SLC45A4: variants seen among roughly 807,000 people sequenced by gnomAD.
SLC45A4 encodes solute carrier family 45 member 4.
Under a neutral mutation model 63.7 loss-of-function variants are expected in SLC45A4, and 32 were observed. The observed-to-expected ratio is 0.50, with a 90% CI of 0.38 to 0.67. SLC45A4 has a LOEUF of 0.67. Among genes scored for constraint, SLC45A4 ranks in the 30% least tolerant of loss-of-function variants. The pLI, the probability that SLC45A4 is intolerant of heterozygous loss-of-function variation, is 0.00. For missense variants in SLC45A4, 1,027 were observed against 1,157.7 expected, an observed-to-expected ratio of 0.89 and a Z score of 1.64; for synonymous variants, 535 against 510.0, an observed-to-expected ratio of 1.05 and a Z score of -0.66.
At chr8:141,285,493 C>G (rs914795903) in intron 1 of SLC45A4, among the ~76,000 whole-genome samples, 1 of 152,228 alleles carries the variant, frequency 6.6e-6, no homozygotes, top group Non-Finnish European at 1.5e-5. Flanking sequence ...TGCGGAAGGA[C>G]CCCACTTCAG....
chr8:141,211,483 A>C lies in SLC45A4; in HGVS notation c.*89T>G. The stretch of plus-strand genomic sequence containing the variant: ...AGGCCCCCCGGACCAGCCTCCTCCC[A>C]GCTTTGGTGTGCGGTCGCTGCCCAA... On this transcript the variant is annotated 3_prime_UTR_variant, in exon 9 of 9. Coordinates refer to ENST00000517878, the MANE Select transcript of SLC45A4 (RefSeq NM_001286646.2). 6.2e-7 allele frequency: 1 copy of C among 1,604,890 alleles called. No homozygotes were observed. The highest frequency in any genetic ancestry group is 8.5e-7 in the Non-Finnish European group (1 of 1,175,616).
At chr8:141,224,017 A>G (rs1204985468) in intron 2 of SLC45A4, among the ~76,000 whole-genome samples, 1 of 125,950 alleles carries the variant, frequency 7.9e-6, no homozygotes, top group African/African-American at 2.9e-5. Flanking sequence ...TTTTTTTTTT[A>G]GCATTTCTAA....
chr8:141,236,895 T>C (rs923537079), intron 2 of SLC45A4, among the ~76,000 whole-genome samples: 5 of 152,104 alleles, frequency 3.3e-5, no homozygotes, highest in African/African-American at 9.7e-5. Flanking sequence ...CACTAACACA[T>C]GGCCCACAGA....
Position 141,211,052 on chromosome 8 carries a change from A to C in SLC45A4, c.*520T>G. 5.9e-6 allele frequency: 1 copy of C among 168,972 alleles called. No homozygotes were observed. 10.5% of individuals were successfully genotyped at this position (168,972 alleles called of 1,614,324 possible). ...CGTCGAGCAGGTGAGCAGGCGAGGAAGGCATGGAGTTCCGACAGGTTCCAG... is the reference window on the plus strand; with the variant it reads ...CGTCGAGCAGGTGAGCAGGCGAGGACGGCATGGAGTTCCGACAGGTTCCAG... On this transcript the variant is annotated 3_prime_UTR_variant, in exon 9 of 9. Transcript: ENST00000517878.
chr8:141,237,489 G>A (rs564798142), intron 2 of SLC45A4, among the ~76,000 whole-genome samples: 5 of 152,288 alleles, frequency 3.3e-5, no homozygotes, highest in Non-Finnish European at 5.9e-5. Flanking sequence ...TCTGCATTGC[G>A]CTGGGTGTCC....
rs752597584 is a variant in SLC45A4, at chr8:141,218,459, G to A, written c.1181C>T (p.Ala394Val). The change falls in exon 5 of 9, where the codon GCC becomes GTC. Residue 394 changes from alanine (A) to valine (V), a missense_variant. By Grantham distance (64) the Ala-to-Val change is moderately conservative. Transcript: ENST00000517878. ...GTCCACCCTGGTGTAGCCGCCGAGG[G>A]CGTCTTTTGTGGGGGAGCCACTTCC... ...PNGSGSPTKD[A>V]LGGYTRVDTK... 5.8e-5 allele frequency: 94 copies of A among 1,612,866 alleles called. No individual in the cohort carries two copies. The highest frequency in any genetic ancestry group is 2.2e-4 in the Admixed American group (13 of 60,012).
chr8:141,232,548 G>A (rs1364663854), intron 2 of SLC45A4, among the ~76,000 whole-genome samples: 1 of 152,126 alleles, frequency 6.6e-6, no homozygotes, highest in African/African-American at 2.4e-5. Flanking sequence ...CTCAGGAGCT[G>A]CAACGTGAAC....
At chr8:141,259,766 C>T (rs895132611) in intron 1 of SLC45A4, among the ~76,000 whole-genome samples, 6 of 152,204 alleles carry the variant, frequency 3.9e-5, no homozygotes, top group South Asian at 2.1e-4. Flanking sequence ...CTCCCAGCAT[C>T]GGTCCACAAT....
intron 2 of SLC45A4, among the ~76,000 whole-genome samples, chr8:141,236,289 C>T (rs1827623655): frequency 6.6e-6 from 1 of 152,198 alleles, no homozygotes; most frequent in Non-Finnish European, 1.5e-5. Context: ...GATCTTCCCT[C>T]TCGCCCAGCC....
At chr8:141,245,323 G>A (rs540167780) in intron 2 of SLC45A4, among the ~76,000 whole-genome samples, 6 of 152,174 alleles carry the variant, frequency 3.9e-5, no homozygotes, top group East Asian at 3.9e-4. Flanking sequence ...CACCACCACC[G>A]TTTCGAGGAG....
intron 2 of SLC45A4, chr8:141,230,191 G>C: frequency 2.2e-6 from 1 of 452,098 alleles, no homozygotes; most frequent in South Asian, 1.6e-5. Flanking sequence ...AGAAGCACAG[G>C]CCTCTGTTTC....
intron 7 of SLC45A4, 145 bp from the exon 8 acceptor site, chr8:141,212,701 C>A: frequency 1.1e-6 from 1 of 947,632 alleles, no homozygotes; most frequent in Non-Finnish European, 1.5e-6. Context: ...GCCTGAGCAC[C>A]CTCAATCCCC....
intron 6 of SLC45A4, 131 bp from the exon 7 acceptor site, chr8:141,216,101 TC>T: frequency 2.5e-6 from 2 of 814,574 alleles, no homozygotes; most frequent in Non-Finnish European, 3.9e-6. Flanking sequence ...CCAGACCTGG[TC>T]AGGCAGGCAC....
At chr8:141,212,161 C>T (rs777901117) in intron 8 of SLC45A4, 36 bp downstream of exon 8, 32 of 1,191,732 alleles carry the variant, frequency 2.7e-5, no homozygotes, top group African/African-American at 4.8e-5. Context: ...CCCACCCGCC[C>T]ACTGGAATGT....
At chr8:141,262,064 A>G (rs1829060214) in intron 1 of SLC45A4, among the ~76,000 whole-genome samples, 1 of 152,196 alleles carries the variant, frequency 6.6e-6, no homozygotes, top group Non-Finnish European at 1.5e-5. Flanking sequence ...ACAATGCCAC[A>G]TATCTACAAC....
intron 2 of SLC45A4, among the ~76,000 whole-genome samples, chr8:141,239,462 C>T (rs1182075749): frequency 4.3e-4 from 65 of 152,122 alleles, no homozygotes; most frequent in Non-Finnish European, 1.5e-5. Context: ...GCTCAGCTTC[C>T]GAGTTTCACA....
chr8:141,238,089 G>A (rs757476292), intron 2 of SLC45A4, among the ~76,000 whole-genome samples: 9 of 152,176 alleles, frequency 5.9e-5, no homozygotes, highest in South Asian at 4.1e-4. Context: ...TCTAGTGTGC[G>A]GTTAGCTGGC....
At position 141,262,411 on chromosome 8, in the gene SLC45A4, A is replaced by G. The variant is rs560169154; in HGVS notation, c.-400-7782T>C. Among the ~76,000 whole-genome samples the G allele has an allele frequency of 4.1e-3, 608 of 149,118 alleles. 1 individual carries two copies. Among genetic ancestry groups the G allele is most frequent in the African/African-American group, 9.6e-3 (391 of 40,666 alleles). ...GAGCTTCTGCACAGCAAAAGAAACT[A>G]CCATCAGAGTGAACAGGCAACCTAC... On this transcript the variant is annotated intron_variant, in intron 1 of 8. Coordinates refer to ENST00000517878, the MANE Select transcript of SLC45A4 (RefSeq NM_001286646.2).
chr8:141,271,447 G>A (rs889042975), intron 1 of SLC45A4, among the ~76,000 whole-genome samples: 2 of 152,220 alleles, frequency 1.3e-5, no homozygotes, highest in African/African-American at 4.8e-5. Context: ...CATGGCTGGC[G>A]ACTGGCTCAG....
Sources: gnomAD v4.1 joint callset for allele counts (sites outside exome capture counted in the v4.1 genomes callset) on GRCh38, gnomAD v4.1.1 for gene constraint, MANE v1.5 for transcripts, NCBI Gene and HGNC (gene_info 2026-07-23, HGNC 2026-07-21) for gene names.